SYNJ2: variants seen among roughly 807,000 people sequenced by gnomAD.
SYNJ2 encodes synaptojanin 2, also known as polyphosphatidylinositol phosphatase SYNJ2.
Under a neutral mutation model 141.3 loss-of-function variants are expected in SYNJ2, and 116 were observed. The ratio of observed to expected loss-of-function variants is 0.82; its 90% confidence interval spans 0.71 to 0.96. The LOEUF (loss-of-function observed/expected upper bound fraction) is 0.96, where lower values mean the gene tolerates loss of function less well. Ranked by LOEUF, SYNJ2 falls within the 40% of genes least tolerant of loss-of-function variation. The probability of loss-of-function intolerance (pLI) is 0.00; values close to 1 mark genes in which losing one functional copy is unlikely to be tolerated. For missense variants in SYNJ2, 1,873 were observed against 1,934.8 expected, an observed-to-expected ratio of 0.97 and a Z score of 0.60; for synonymous variants, 745 against 777.7, an observed-to-expected ratio of 0.96 and a Z score of 0.70.
chr6:157,991,780 G>C (rs1777434726), intron 1 of SYNJ2, among the ~76,000 whole-genome samples: 1 of 152,176 alleles, frequency 6.6e-6, no homozygotes, highest in South Asian at 2.1e-4. Flanking sequence ...CTGATGCTCT[G>C]CATTTTTTAT....
At position 158,043,316 on chromosome 6, in the gene SYNJ2, A is replaced by G; in HGVS notation, c.712A>G (p.Met238Val). 6.2e-7 allele frequency: 1 copy of G among 1,613,800 alleles called. No homozygotes were observed. The highest frequency in any genetic ancestry group is 8.5e-7 in the Non-Finnish European group (1 of 1,179,716). Residue 238 changes from methionine to valine, a missense_variant and splice_region_variant, in exon 5 of 27, where the codon ATG becomes GTG. Physicochemically the swap from Met to Val is conservative, Grantham distance 21 (BLOSUM62 1). Coordinates refer to ENST00000355585, the MANE Select transcript of SYNJ2 (RefSeq NM_003898.4). This position sits in a 1 kb window ranked among gnomAD's most constrained non-coding sequence, Gnocchi z 4.0. ...HVSNFVETEQ[M>V]IYMDDGVSSF... ...CCCTTTCTGTTTCCTTGTGCCGCAG[A>G]TGATTTACATGGACGATGGAGTGTC...
intron 20 of SYNJ2, among the ~76,000 whole-genome samples, chr6:158,082,617 G>A (rs1782770270): frequency 6.6e-6 from 1 of 152,054 alleles, no homozygotes; most frequent in Non-Finnish European, 1.5e-5. Flanking sequence ...AGCTGAGATC[G>A]TGCCACTGCA....
intron 1 of SYNJ2, among the ~76,000 whole-genome samples, chr6:158,016,889 G>A (rs983053272): frequency 6.6e-6 from 1 of 152,092 alleles, no homozygotes; most frequent in African/African-American, 2.4e-5. Flanking sequence ...GGGACAGCAA[G>A]GTAGAGTAAT....
intron 26 of SYNJ2, among the ~76,000 whole-genome samples, chr6:158,094,483 T>TA (rs1783680644): frequency 6.6e-6 from 1 of 151,028 alleles, no homozygotes; most frequent in Middle Eastern, 3.2e-3. Flanking sequence ...AAATTCAAAG[T>TA]ATGCTTTCTA....
intron 7 of SYNJ2, among the ~76,000 whole-genome samples, chr6:158,060,898 T>C (rs1378768809): frequency 6.6e-6 from 1 of 152,168 alleles, no homozygotes; most frequent in African/African-American, 2.4e-5. Flanking sequence ...AAGACCTGGG[T>C]CATGGCCCTG....
intron 5 of SYNJ2, 134 bp from the exon 6 acceptor site, chr6:158,054,833 G>A (rs1780776566): frequency 2.4e-6 from 2 of 828,344 alleles, no homozygotes; most frequent in South Asian, 1.6e-5. Context: ...CCTGAGCCCT[G>A]AAGAGACCAC....
chr6:158,093,953 A>AAGGACAGTAGC, intron 26 of SYNJ2: 1 of 765,284 alleles, frequency 1.3e-6, no homozygotes, highest in Non-Finnish European at 2.4e-6. Flanking sequence ...ATGAGTTTGT[A>AAGGACAGTAGC]AGGACAGTAG....
intron 2 of SYNJ2, among the ~76,000 whole-genome samples, chr6:158,025,679 G>A (rs112327808): frequency 0.01 from 1,563 of 151,262 alleles, 12 homozygotes; most frequent in African/African-American, 0.03. Context: ...ATAGCCGGGC[G>A]TGGTGGCTCA....
intron 25 of SYNJ2, among the ~76,000 whole-genome samples, chr6:158,091,569 A>C (rs1783454232): frequency 6.6e-6 from 1 of 151,750 alleles, no homozygotes; most frequent in Non-Finnish European, 1.5e-5. Flanking sequence ...TAACACAGTG[A>C]AACTCCATCT....
intron 5 of SYNJ2, among the ~76,000 whole-genome samples, chr6:158,051,924 C>G (rs1780589683): frequency 6.6e-6 from 1 of 151,510 alleles, no homozygotes; most frequent in South Asian, 2.1e-4. Flanking sequence ...CCTCTGCACT[C>G]CAGCCTGGGC....
At chr6:158,069,895 C>A (rs1781808812) in intron 14 of SYNJ2, among the ~76,000 whole-genome samples, 1 of 152,198 alleles carries the variant, frequency 6.6e-6, no homozygotes, top group East Asian at 1.9e-4. Context: ...ACTCAGGAAG[C>A]TGAACTCTTA....
In SYNJ2 at chr6:158,087,766, A is replaced by T. The variant is rs140956848; in HGVS notation, c.3343+777A>T. ...ATGTATTATTGTGGAAATTTTAGAG[A>T]TAACTACAAAGAAGAACAAAATTTT... is the stretch of plus-strand genomic sequence containing the variant. On this transcript the variant is annotated intron_variant, in intron 23 of 26. Coordinates refer to ENST00000355585, the MANE Select transcript of SYNJ2 (RefSeq NM_003898.4). Among the ~76,000 whole-genome samples, 360 of 152,274 alleles carry T rather than the reference A, an allele frequency of 2.4e-3. 2 individuals are homozygous for T. Among genetic ancestry groups the T allele is most frequent in the African/African-American group, 8.0e-3 (332 of 41,556 alleles).
chr6:158,037,603 G>A (rs921948538), intron 4 of SYNJ2, among the ~76,000 whole-genome samples: 6 of 151,724 alleles, frequency 4.0e-5, no homozygotes, highest in Admixed American at 6.6e-5. Flanking sequence ...GGGTTTCACC[G>A]TGTTAGCCAG....
In SYNJ2 at chr6:158,027,317, C is replaced by A; in HGVS notation, c.215-1439C>A. On this transcript the variant is annotated intron_variant, in intron 2 of 26. Transcript: ENST00000355585. The surrounding 1 kb of genome is among the most constrained non-coding windows in gnomAD (Gnocchi z 4.6). ...ATCTCGCTGGGCGGATCCTTCAGAC[C>A]TCAGCGGGGTGGGAAGAGTGTCCTT... 1 of 613,050 alleles carries A rather than the reference C, an allele frequency of 1.6e-6. No homozygotes were observed. The highest frequency in any genetic ancestry group is 2.0e-6 in the Non-Finnish European group (1 of 490,048). 38.0% of individuals were successfully genotyped at this position (613,050 alleles called of 1,614,324 possible).
intron 2 of SYNJ2, among the ~76,000 whole-genome samples, chr6:158,018,625 G>T (rs1170290821): frequency 6.6e-6 from 1 of 152,194 alleles, no homozygotes; most frequent in African/African-American, 2.4e-5. Context: ...ATAGCATTTA[G>T]GAAAAATACA....
intron 1 of SYNJ2, among the ~76,000 whole-genome samples, chr6:157,992,435 A>T (rs913156359): frequency 2.0e-4 from 19 of 93,432 alleles, no homozygotes; most frequent in East Asian, 6.0e-4. Context: ...CTTTTTTTTG[A>T]GACAGAGTCT....
intron 3 of SYNJ2, among the ~76,000 whole-genome samples, chr6:158,032,076 AGC>A (rs1273614959): frequency 6.6e-6 from 1 of 152,090 alleles, no homozygotes; most frequent in Non-Finnish European, 1.5e-5. Flanking sequence ...GCATTTTTCA[AGC>A]AGAGGAGCGC....
intron 20 of SYNJ2, among the ~76,000 whole-genome samples, chr6:158,082,487 CA>C (rs769884420): frequency 0.044 from 3,307 of 74,446 alleles, 53 homozygotes; most frequent in African/African-American, 0.12. Context: ...ACTCTGTCTC[CA>C]AAAAAAAAAA....
chr6:158,062,185 T>C (rs1781265048), intron 8 of SYNJ2, 21 bp downstream of exon 8: 1 of 1,604,642 alleles, frequency 6.2e-7, no homozygotes, highest in African/African-American at 1.3e-5. Context: ...CTGCGCACTG[T>C]GCCGCGTCTT....
Sources: gnomAD v4.1 joint callset for allele counts (sites outside exome capture counted in the v4.1 genomes callset) on GRCh38, gnomAD v4.1.1 for gene constraint, Gnocchi (gnomAD v3.1) non-coding constraint, MANE v1.5 for transcripts, NCBI Gene and HGNC (gene_info 2026-07-23, HGNC 2026-07-21) for gene names.